Variants in PRMT8 observed in about 807,000 individuals in gnomAD.
The protein encoded by PRMT8 is protein arginine methyltransferase 8, also known as protein arginine N-methyltransferase 8.
A neutral mutation model predicts 47.1 loss-of-function variants in PRMT8; 7 were observed. That is an observed-to-expected ratio of 0.15 (90% CI 0.08 to 0.28). The LOEUF (loss-of-function observed/expected upper bound fraction) is 0.28, where lower values mean the gene tolerates loss of function less well. Ranked by LOEUF, PRMT8 falls within the 10% of genes least tolerant of loss-of-function variation. The pLI, the probability that PRMT8 is intolerant of heterozygous loss-of-function variation, is 1.00. For synonymous variants in PRMT8, 188 were observed against 186.5 expected (o/e 1.01, Z -0.07); for missense variants, 237 against 505.4 (o/e 0.47, Z 5.09).
At chr12:3,397,290 C>A (rs1338330952) in intron 1 of PRMT8, among the ~76,000 whole-genome samples, 4 of 151,836 alleles carry the variant, frequency 2.6e-5, no homozygotes, top group Non-Finnish European at 4.4e-5. Context: ...AGGTGCTCTG[C>A]GTTTTAGAGT....
intron 1 of PRMT8, among the ~76,000 whole-genome samples, chr12:3,462,179 T>G (rs531081444): frequency 6.6e-6 from 1 of 152,200 alleles, no homozygotes; most frequent in Non-Finnish European, 1.5e-5. Context: ...TTGCTAAGGA[T>G]GATAACCTCC....
intron 1 of PRMT8, among the ~76,000 whole-genome samples, chr12:3,404,038 G>A (rs1027623673): frequency 3.3e-5 from 5 of 151,826 alleles, no homozygotes; most frequent in East Asian, 1.9e-4. Flanking sequence ...ACATCCATAC[G>A]TCCTTTAGCC....
At position 3,493,636 on chromosome 12, in the gene PRMT8, G is replaced by T. The variant is rs148977153; in HGVS notation, c.75+1936G>T. On this transcript the variant is annotated intron_variant, in intron 1 of 9. Transcript: ENST00000382622. The surrounding 1 kb of genome is among the most constrained non-coding windows in gnomAD (Gnocchi z 8.2). ...CTCCCAGCCTCGGCGAGGGTTAAAG[G>T]CGTCCGGAGCAGGCAGAGCGCCGCG... Among the ~76,000 whole-genome samples the T allele has an allele frequency of 6.6e-6, 1 of 152,286 alleles. No individual in the cohort carries two copies. Among genetic ancestry groups the T allele is most frequent in the Non-Finnish European group, 1.5e-5 (1 of 68,032 alleles).
intron 1 of PRMT8, among the ~76,000 whole-genome samples, chr12:3,519,241 G>C (rs1477093108): frequency 2.0e-5 from 3 of 152,018 alleles, no homozygotes; most frequent in South Asian, 2.1e-4. Flanking sequence ...CAGAGAGAGA[G>C]AGAGAAAAAG....
In PRMT8 at chr12:3,566,829, A is replaced by G. The variant is rs1866728254; in HGVS notation, c.482-1877A>G. Among the ~76,000 whole-genome samples, 1 of 152,184 alleles carries G rather than the reference A, an allele frequency of 6.6e-6. No individual in the cohort carries two copies. On this transcript the variant is annotated intron_variant, in intron 4 of 9. Transcript: ENST00000382622. The surrounding 1 kb of genome is among the most constrained non-coding windows in gnomAD (Gnocchi z 4.7). Reference sequence around the variant, plus strand: ...TTTTCAGAGGATATTGCAGAATGAGAGTTTCAGAGCATGAATATATGTAAC... The same window carrying G: ...TTTTCAGAGGATATTGCAGAATGAGGGTTTCAGAGCATGAATATATGTAAC...
intron 2 of PRMT8, among the ~76,000 whole-genome samples, chr12:3,544,016 G>T (rs552468779): frequency 1.2e-4 from 18 of 152,258 alleles, no homozygotes; most frequent in African/African-American, 4.1e-4. Context: ...CCCACTCCCG[G>T]CCAGCTCCCT....
intron 4 of PRMT8, among the ~76,000 whole-genome samples, chr12:3,554,788 G>A (rs956236620): frequency 6.6e-6 from 1 of 152,162 alleles, no homozygotes; most frequent in African/African-American, 2.4e-5. Context: ...GCACCGAGGA[G>A]TCAGCTCAGC....
rs563599251 is a variant in PRMT8, at chr12:3,580,045, A to G, written c.829-3013A>G. On this transcript the variant is annotated intron_variant, in intron 7 of 9. Coordinates refer to ENST00000382622, the MANE Select transcript of PRMT8 (RefSeq NM_019854.5). This position sits in a 1 kb window ranked among gnomAD's most constrained non-coding sequence, Gnocchi z 4.6. ...TGGGGGTTGGGGAACCTGAGCCCAG[A>G]GGACCTTTGTGTTTTTGAAGCCTAG... is the stretch of plus-strand genomic sequence containing the variant. Among the ~76,000 whole-genome samples the G allele has an allele frequency of 2.0e-5, 3 of 152,214 alleles. No individual in the cohort carries two copies. The highest frequency in any genetic ancestry group is 7.2e-5 in the African/African-American group (3 of 41,540).
rs769434678 is a variant in PRMT8 at position 3,583,032 on chromosome 12, G to A, written c.829-26G>A. 1.6e-5 allele frequency: 26 copies of A among 1,605,540 alleles called. No homozygotes were observed. The highest frequency in any genetic ancestry group is 4.5e-5 in the East Asian group (2 of 44,630). On this transcript the variant is annotated intron_variant, in intron 7 of 9. Coordinates refer to ENST00000382622, the MANE Select transcript of PRMT8 (RefSeq NM_019854.5). This position sits in a 1 kb window ranked among gnomAD's most constrained non-coding sequence, Gnocchi z 4.7. ...GACTTGGTGGAGGCGATAAGTTCCC[G>A]GCATTCTCTCTTCTCTGGGCTGCAG...
rs17769793 is a variant in PRMT8 at position 3,569,085 on chromosome 12, A to G, written c.624+237A>G. ...TGGGTCTCACCGCAGCCTCTTTTGC[A>G]ATAACAGACATCCGTTCTCTCTTGT... On this transcript the variant is annotated intron_variant, in intron 5 of 9. Coordinates refer to ENST00000382622, the MANE Select transcript of PRMT8 (RefSeq NM_019854.5). The surrounding 1 kb of genome is among the most constrained non-coding windows in gnomAD (Gnocchi z 8.2). Among the ~76,000 whole-genome samples, 17,011 of 152,142 alleles carry G rather than the reference A, an allele frequency of 0.11. 1,210 individuals carry two copies. Among genetic ancestry groups the G allele is most frequent in the Middle Eastern group, 0.22 (64 of 294 alleles).
At chr12:3,561,896 C>G (rs1409470780) in intron 4 of PRMT8, among the ~76,000 whole-genome samples, 1 of 152,182 alleles carries the variant, frequency 6.6e-6, no homozygotes, top group Non-Finnish European at 1.5e-5. Flanking sequence ...CGCATAGTTG[C>G]TGTTTGTATA....
chr12:3,417,907 C>A (rs912516973), intron 1 of PRMT8, among the ~76,000 whole-genome samples: 12 of 152,178 alleles, frequency 7.9e-5, no homozygotes, highest in Non-Finnish European at 1.6e-4. Context: ...GGTTTCATAT[C>A]CCGGCTCTGC....
chr12:3,526,218 A>G (rs1400939526), intron 1 of PRMT8, among the ~76,000 whole-genome samples: 1 of 152,224 alleles, frequency 6.6e-6, no homozygotes, highest in Non-Finnish European at 1.5e-5. Context: ...TTAAGGAAGA[A>G]TAATATTAAA....
intron 2 of PRMT8, among the ~76,000 whole-genome samples, chr12:3,548,682 T>C (rs574173237): frequency 2.0e-5 from 3 of 152,314 alleles, no homozygotes; most frequent in South Asian, 4.1e-4. Flanking sequence ...AGATCAGTAA[T>C]GCTAAGGTGT....
At chr12:3,459,797 G>A (rs1865020936) in intron 1 of PRMT8, among the ~76,000 whole-genome samples, 1 of 152,134 alleles carries the variant, frequency 6.6e-6, no homozygotes, top group Non-Finnish European at 1.5e-5. Context: ...AGCAGAAAGT[G>A]TCAGGGACTC....
chr12:3,442,155 G>T (rs558641995), intron 1 of PRMT8, among the ~76,000 whole-genome samples: 4 of 152,240 alleles, frequency 2.6e-5, no homozygotes, highest in Non-Finnish European at 5.9e-5. Flanking sequence ...AGCTAAAAAA[G>T]CTAGAAATGG....
At position 3,491,232 on chromosome 12, in the gene PRMT8, G is replaced by A; in HGVS notation, c.-394G>A. The A allele has an allele frequency of 2.0e-6, 2 of 1,010,696 alleles. No individual in the cohort carries two copies. The highest frequency in any genetic ancestry group is 2.4e-6 in the Non-Finnish European group (2 of 846,496). The allele number at this position is 1,010,696 out of a possible 1,614,324, so 62.6% of individuals were successfully genotyped here. Reference sequence around the variant, plus strand: ...CGCCCAGCGGATCGGCAGAAGTTGAGAGGAGTTGGCGGCTGCCTCCGGCCG... The same window carrying A: ...CGCCCAGCGGATCGGCAGAAGTTGAAAGGAGTTGGCGGCTGCCTCCGGCCG... On this transcript the variant is annotated 5_prime_UTR_variant, in exon 1 of 10. Coordinates refer to ENST00000382622, the MANE Select transcript of PRMT8 (RefSeq NM_019854.5).
At chr12:3,494,703 C>T (rs534313434) in intron 1 of PRMT8, among the ~76,000 whole-genome samples, 140 of 152,318 alleles carry the variant, frequency 9.2e-4, no homozygotes, top group African/African-American at 3.2e-3. Context: ...AAACTACTTA[C>T]ATTTTGACCA....
At chr12:3,391,802 A>T (rs760285794) in intron 1 of PRMT8, among the ~76,000 whole-genome samples, 1 of 152,214 alleles carries the variant, frequency 6.6e-6, no homozygotes, top group Non-Finnish European at 1.5e-5. Flanking sequence ...CATCAAATGA[A>T]TGAGCACATG....
Sources: gnomAD v4.1 joint callset for allele counts (sites outside exome capture counted in the v4.1 genomes callset) on GRCh38, gnomAD v4.1.1 for gene constraint, Gnocchi (gnomAD v3.1) non-coding constraint, MANE v1.5 for transcripts, NCBI Gene and HGNC (gene_info 2026-07-23, HGNC 2026-07-21) for gene names.